The following CAMK2B variants were observed in gnomAD, a reference collection of about 807,000 sequenced individuals.
The protein encoded by CAMK2B is calcium/calmodulin-dependent protein kinase type II subunit beta.
Under a neutral mutation model 93.7 loss-of-function variants are expected in CAMK2B, and 27 were observed. That is an observed-to-expected ratio of 0.29 (90% confidence interval 0.21 to 0.40). The LOEUF is 0.40. Among genes scored for constraint, CAMK2B ranks in the 10% least tolerant of loss-of-function variants. The pLI, the probability that CAMK2B is intolerant of heterozygous loss-of-function variation, is 1.00. For missense variants in CAMK2B, 568 were observed against 895.8 expected, an observed-to-expected ratio of 0.63 and a Z score of 4.67; for synonymous variants, 374 against 358.8, an observed-to-expected ratio of 1.04 and a Z score of -0.48.
At position 44,311,890 on chromosome 7, in the gene CAMK2B, C is replaced by T. The variant is rs767721166; in HGVS notation, c.65+13467G>A. On this transcript the variant is annotated intron_variant, in intron 1 of 23. Coordinates refer to ENST00000395749, the MANE Select transcript of CAMK2B (RefSeq NM_001220.5). The surrounding 1 kb of genome is among the most constrained non-coding windows in gnomAD (Gnocchi z 4.2). ...TCCCTGCACCGTGGACTGACCCTCACGACGCTCCAAGAGGTGACCCTTCTC... is the reference window on the plus strand; with the variant it reads ...TCCCTGCACCGTGGACTGACCCTCATGACGCTCCAAGAGGTGACCCTTCTC... 3.9e-5 allele frequency among the ~76,000 whole-genome samples: 6 copies of T among 152,212 alleles called. No individual in the cohort carries two copies. The highest frequency in any genetic ancestry group is 2.0e-4 in the Admixed American group (3 of 15,282).
At chr7:44,223,462 C>T (rs1481402690) in intron 20 of CAMK2B, among the ~76,000 whole-genome samples, 2 of 152,192 alleles carry the variant, frequency 1.3e-5, no homozygotes, top group South Asian at 2.1e-4. Context: ...GCAGCCACCA[C>T]GAGTCCCATT....
intron 2 of CAMK2B, among the ~76,000 whole-genome samples, chr7:44,264,418 G>C (rs941428655): frequency 6.6e-6 from 1 of 152,138 alleles, no homozygotes; most frequent in Non-Finnish European, 1.5e-5. Flanking sequence ...AGAAAGCCAC[G>C]CCTACAGATG....
intron 8 of CAMK2B, 58 bp downstream of exon 8, chr7:44,243,192 G>T: frequency 7.7e-7 from 1 of 1,296,450 alleles, no homozygotes; most frequent in Non-Finnish European, 1.1e-6. Flanking sequence ...CAGGATGTAG[G>T]TGGGAAGTCC....
At chr7:44,237,041 C>T (rs1001531661) in intron 13 of CAMK2B, among the ~76,000 whole-genome samples, 4 of 152,244 alleles carry the variant, frequency 2.6e-5, no homozygotes, top group Non-Finnish European at 5.9e-5. Context: ...ACCCCACCCC[C>T]GAGGGGACAG....
At position 44,219,275 on chromosome 7, in the gene CAMK2B, TTTTTTTTG is replaced by T. The variant is rs1439659990; in HGVS notation, c.*242_*249del. 2 of 127,362 alleles carry T rather than the reference TTTTTTTTG, an allele frequency of 1.6e-5. No individual in the cohort carries two copies. Among genetic ancestry groups the T allele is most frequent in the Admixed American group, 8.1e-5 (1 of 12,404 alleles). The allele number at this position is 127,362 out of a possible 1,614,324, so 7.9% of individuals were successfully genotyped here. ...TTTTACAGCTTTTTCCTTCCTTTAG[TTTTTTTTG>T]TTTTTTTTTTTTTTCATTTCATCTG... On this transcript the variant is annotated 3_prime_UTR_variant, in exon 24 of 24. Coordinates refer to ENST00000395749, the MANE Select transcript of CAMK2B (RefSeq NM_001220.5).
chr7:44,233,939 C>T (rs979652504), intron 15 of CAMK2B, among the ~76,000 whole-genome samples: 5 of 152,250 alleles, frequency 3.3e-5, no homozygotes, highest in African/African-American at 1.2e-4. Context: ...GGCTGTTCCC[C>T]CTGCAGATCC....
At chr7:44,253,468 C>G (rs550637436) in intron 5 of CAMK2B, among the ~76,000 whole-genome samples, 7 of 152,230 alleles carry the variant, frequency 4.6e-5, no homozygotes, top group Non-Finnish European at 1.0e-4. Flanking sequence ...CCACCTCGGC[C>G]TCCCAAAGTG....
intron 2 of CAMK2B, among the ~76,000 whole-genome samples, chr7:44,277,640 G>C (rs552101237): frequency 6.6e-6 from 1 of 152,196 alleles, no homozygotes; most frequent in African/African-American, 2.4e-5. Context: ...CCCAAATCAG[G>C]GGTGAAATGC....
At position 44,219,445 on chromosome 7, in the gene CAMK2B, A is replaced by T. The variant is rs2128854565; in HGVS notation, c.*80T>A. On this transcript the variant is annotated 3_prime_UTR_variant, in exon 24 of 24. Coordinates refer to ENST00000395749, the MANE Select transcript of CAMK2B (RefSeq NM_001220.5). ...GGGAGGGAACGAGGCAGACACAAACATGCGACAGGCAGGCCGTGTGCCCGA... is the reference window on the plus strand; with the variant it reads ...GGGAGGGAACGAGGCAGACACAAACTTGCGACAGGCAGGCCGTGTGCCCGA... 1 of 146,398 alleles carries T rather than the reference A, an allele frequency of 6.8e-6. No homozygotes were observed. The highest frequency in any genetic ancestry group is 2.1e-4 in the South Asian group (1 of 4,662). 9.1% of individuals were successfully genotyped at this position (146,398 alleles called of 1,614,324 possible).
intron 18 of CAMK2B, 112 bp from the exon 19 acceptor site, chr7:44,229,036 G>T (rs1272437827): frequency 1.9e-6 from 2 of 1,030,740 alleles, no homozygotes; most frequent in South Asian, 1.3e-5. Context: ...TTGGGCCCTG[G>T]GATCAGGCCC....
chr7:44,244,761 C>G (rs1347368807), intron 6 of CAMK2B: 2 of 321,470 alleles, frequency 6.2e-6, no homozygotes, highest in Non-Finnish European at 1.3e-5. Context: ...GAGCTGTGAG[C>G]GCCCCTCAGC....
At chr7:44,250,527 CTT>C (rs36056008) in intron 5 of CAMK2B, among the ~76,000 whole-genome samples, 1,570 of 117,692 alleles carry the variant, frequency 0.013, 13 homozygotes, top group African/African-American at 0.045. Context: ...AGTGACATTG[CTT>C]TTTTTTTTTT....
chr7:44,293,773 G>A (rs1787513132), intron 1 of CAMK2B, among the ~76,000 whole-genome samples: 1 of 152,208 alleles, frequency 6.6e-6, no homozygotes, highest in East Asian at 1.9e-4. Flanking sequence ...GCTTGCCCAT[G>A]GCTCGTCTCC....
chr7:44,321,835 A>G (rs1363986595), intron 1 of CAMK2B, among the ~76,000 whole-genome samples: 3 of 152,148 alleles, frequency 2.0e-5, no homozygotes, highest in Non-Finnish European at 4.4e-5. Flanking sequence ...ACCCATCAAC[A>G]CTGACAACCT....
rs1793720569 is a variant in CAMK2B at position 44,312,122 on chromosome 7, C to T, written c.65+13235G>A. 6.6e-6 allele frequency among the ~76,000 whole-genome samples: 1 copy of T among 152,204 alleles called. No individual in the cohort carries two copies. Among genetic ancestry groups the T allele is most frequent in the Admixed American group, 6.5e-5 (1 of 15,270 alleles). ...CCACATTTACCCCAGGGCAGTGAGG[C>T]CACAGAAACAGCACTGGAGTCACAG... On this transcript the variant is annotated intron_variant, in intron 1 of 23. Coordinates refer to ENST00000395749, the MANE Select transcript of CAMK2B (RefSeq NM_001220.5). This position sits in a 1 kb window ranked among gnomAD's most constrained non-coding sequence, Gnocchi z 4.1.
chr7:44,241,047 C>A (rs921636223), intron 11 of CAMK2B, among the ~76,000 whole-genome samples: 3 of 152,218 alleles, frequency 2.0e-5, no homozygotes, highest in Non-Finnish European at 4.4e-5. Flanking sequence ...GTCACCACGG[C>A]AGCTCCTCTG....
intron 18 of CAMK2B, 51 bp from the exon 19 acceptor site, chr7:44,228,975 C>A: frequency 6.3e-7 from 1 of 1,591,466 alleles, no homozygotes; most frequent in Non-Finnish European, 8.6e-7. Flanking sequence ...ACACACGAGG[C>A]GGCGGCAAGG....
At position 44,226,028 on chromosome 7, in the gene CAMK2B, A is replaced by G. The variant is rs2096472390; in HGVS notation, c.1597+488T>C. 8 of 735,760 alleles carry G rather than the reference A, an allele frequency of 1.1e-5. 1 individual carries two copies. Among genetic ancestry groups the G allele is most frequent in the African/African-American group, 1.9e-5 (1 of 53,734 alleles). 45.6% of individuals were successfully genotyped at this position (735,760 alleles called of 1,614,324 possible). A position where few individuals can be genotyped will look rare whatever the true frequency, so the allele number is the denominator to read the frequency against. On this transcript the variant is annotated intron_variant, in intron 20 of 23. Transcript: ENST00000395749. The stretch of plus-strand genomic sequence containing the variant: ...TTCAGCCTGGCCCCAGCTGCCCCCC[A>G]GATCCGCGCCTCCCGATCCCCACCT...
intron 6 of CAMK2B, 127 bp downstream of exon 6, chr7:44,246,993 C>A (rs1005847765): frequency 4.2e-6 from 3 of 706,422 alleles, no homozygotes; most frequent in African/African-American, 1.8e-5. Flanking sequence ...CAAGGACACA[C>A]ACACACATAC....
Sources: allele counts gnomAD v4.1 joint callset (sites outside exome capture counted in the v4.1 genomes callset), GRCh38; gene constraint gnomAD v4.1.1; non-coding constraint Gnocchi (gnomAD v3.1); transcripts MANE v1.5; gene names NCBI Gene and HGNC (gene_info 2026-07-23, HGNC 2026-07-21).